USP15: variants seen among roughly 807,000 people sequenced by gnomAD.
USP15 encodes ubiquitin specific peptidase 15, also known as ubiquitin carboxyl-terminal hydrolase 15.
USP15 carries 18 observed loss-of-function variants against 127.1 expected under a neutral mutation model. That is an observed-to-expected ratio of 0.14 (90% CI 0.10 to 0.21). USP15 has a LOEUF of 0.21. Ranked by LOEUF, USP15 falls within the 10% of genes least tolerant of loss-of-function variation. The pLI is 1.00. For synonymous variants in USP15, 364 were observed against 393.7 expected (o/e 0.92, Z 0.89); for missense variants, 805 against 1,159.9 (o/e 0.69, Z 4.44).
In USP15 at chr12:62,391,281, T is replaced by C; in HGVS notation, c.2085T>C (p.Cys695=). 1 of 1,613,634 alleles carries C rather than the reference T, an allele frequency of 6.2e-7. No individual in the cohort carries two copies. The highest frequency in any genetic ancestry group is 8.5e-7 in the Non-Finnish European group (1 of 1,179,732). The change falls in exon 16 of 22, where the codon TGT becomes TGC. Residue 695 remains cysteine (C), a synonymous_variant. Transcript: ENST00000280377. ...ATAATGATTCTGAAAATGGATTATGTACTGAGGATACTTGCAAAGGTCAAC... is the reference window on the plus strand; with the variant it reads ...ATAATGATTCTGAAAATGGATTATGCACTGAGGATACTTGCAAAGGTCAAC... ...GGDNDSENGL[C]TEDTCKGQLT... is the part of the protein sequence containing the mutation.
At position 62,408,762 on chromosome 12, in the gene USP15, T is replaced by C. The variant is rs549470779; in HGVS notation, c.*4387T>C. On this transcript the variant is annotated 3_prime_UTR_variant, in exon 22 of 22. Coordinates refer to ENST00000280377, the MANE Select transcript of USP15 (RefSeq NM_001252078.2). Reference sequence around the variant, plus strand: ...TTCAGTTGCAGATCTATATTATATATCATTTTATTATCAGATTTTCTAGTG... The same window carrying C: ...TTCAGTTGCAGATCTATATTATATACCATTTTATTATCAGATTTTCTAGTG... The C allele has an allele frequency of 2.0e-5, 3 of 152,224 alleles. No homozygotes were observed. The highest frequency in any genetic ancestry group is 2.1e-4 in the South Asian group (1 of 4,830). The allele number at this position is 152,224 out of a possible 1,614,324, so 9.4% of individuals were successfully genotyped here.
At chr12:62,294,424 G>A in intron 2 of USP15, 118 bp downstream of exon 2, 5 of 1,124,666 alleles carry the variant, frequency 4.4e-6, no homozygotes, top group Non-Finnish European at 5.0e-6. Flanking sequence ...TTGCATTACA[G>A]ATTTTACCTA....
intron 1 of USP15, among the ~76,000 whole-genome samples, chr12:62,262,017 T>C (rs555546245): frequency 2.6e-5 from 4 of 152,186 alleles, no homozygotes. Flanking sequence ...GGAGGGAGGA[T>C]CACTTGAACT....
intron 7 of USP15, among the ~76,000 whole-genome samples, chr12:62,353,468 C>T (rs2066022782): frequency 6.6e-6 from 1 of 151,870 alleles, no homozygotes; most frequent in Non-Finnish European, 1.5e-5. Context: ...TTAGTCTTTT[C>T]ACGTGTGTGT....
At chr12:62,260,920 T>G (rs2063032557) in intron 1 of USP15, among the ~76,000 whole-genome samples, 1 of 152,212 alleles carries the variant, frequency 6.6e-6, no homozygotes, top group Non-Finnish European at 1.5e-5. Flanking sequence ...GTTCATTTCC[T>G]TTCCTAGAAT....
In USP15 at chr12:62,334,726, T is replaced by C. The variant is rs2065405583; in HGVS notation, c.683+8793T>C. Among the ~76,000 whole-genome samples, 7 of 152,302 alleles carry C rather than the reference T, an allele frequency of 4.6e-5. No individual in the cohort carries two copies. In the South Asian group the frequency reaches 1.4e-3, roughly 32 times the overall value. ...TATGAAGTTACGTTGTTTTACAATG[T>C]TGGGTTTGAAAATATAAAAATCTTT... On this transcript the variant is annotated intron_variant, in intron 6 of 21. Transcript: ENST00000280377.
At chr12:62,341,249 T>C (rs945338970) in intron 6 of USP15, among the ~76,000 whole-genome samples, 3 of 152,160 alleles carry the variant, frequency 2.0e-5, no homozygotes, top group Non-Finnish European at 4.4e-5. Flanking sequence ...CCTCCAACCC[T>C]TTATTTTGAG....
At chr12:62,341,184 C>G (rs992290099) in intron 6 of USP15, among the ~76,000 whole-genome samples, 1 of 149,312 alleles carries the variant, frequency 6.7e-6, no homozygotes, top group Non-Finnish European at 1.5e-5. Context: ...TTATCAGAGA[C>G]TAGTATTTCA....
chr12:62,345,753 G>A (rs979574758), intron 6 of USP15, among the ~76,000 whole-genome samples: 3 of 152,000 alleles, frequency 2.0e-5, no homozygotes, highest in Admixed American at 6.6e-5. Context: ...GGGGTGGGGG[G>A]GCCTCACAAT....
At chr12:62,359,530 CT>C (rs1435580727) in intron 8 of USP15, among the ~76,000 whole-genome samples, 2 of 152,066 alleles carry the variant, frequency 1.3e-5, no homozygotes, top group African/African-American at 2.4e-5. Context: ...ATTATCTCAT[CT>C]TTTTTTAAAA....
At chr12:62,335,264 G>T in intron 6 of USP15, 1 of 1,517,930 alleles carries the variant, frequency 6.6e-7, no homozygotes, top group Non-Finnish European at 8.8e-7. Flanking sequence ...AGACTGACCA[G>T]TCAACCCCTA....
In USP15 at chr12:62,325,904, A is replaced by G. The variant is rs1280057962; in HGVS notation, c.654A>G (p.Gly218=). Reference sequence around the variant, plus strand: ...TGATAGAACAGAAAAATGAAGATGGAACATGGCCAAGGGGTCCTTCTACTC... The same window carrying G: ...TGATAGAACAGAAAAATGAAGATGGGACATGGCCAAGGGGTCCTTCTACTC... The part of the protein sequence containing the change: ...VLVIEQKNED[G]TWPRGPSTPK... The change falls in exon 6 of 22, where the codon GGA becomes GGG. Residue 218 remains glycine, a synonymous_variant. Coordinates refer to ENST00000280377, the MANE Select transcript of USP15 (RefSeq NM_001252078.2). 3.1e-6 allele frequency: 5 copies of G among 1,610,580 alleles called. No individual in the cohort carries two copies. The highest frequency in any genetic ancestry group is 4.2e-6 in the Non-Finnish European group (5 of 1,177,984).
intron 1 of USP15, among the ~76,000 whole-genome samples, chr12:62,286,083 T>G (rs1440803686): frequency 4.6e-5 from 7 of 152,154 alleles, no homozygotes; most frequent in Admixed American, 4.6e-4. Flanking sequence ...TAGTTTGAAA[T>G]TTTTCTGTTT....
chr12:62,271,584 A>G lies in USP15; in HGVS notation c.89+11081A>G, dbSNP rs947624820. ...TGTTTATTATTTTTATATTGTTAAT[A>G]CCAAACCTAATTCTCCCGGTGTAGA... is the stretch of plus-strand genomic sequence containing the variant. On this transcript the variant is annotated intron_variant, in intron 1 of 21. Coordinates refer to ENST00000280377, the MANE Select transcript of USP15 (RefSeq NM_001252078.2). Among the ~76,000 whole-genome samples, 4 of 151,950 alleles carry G rather than the reference A, an allele frequency of 2.6e-5. No homozygotes were observed. The East Asian group carries it at 7.7e-4, about 29-fold the overall frequency.
At chr12:62,315,053 G>A in intron 4 of USP15, 137 bp downstream of exon 4, 1 of 774,938 alleles carries the variant, frequency 1.3e-6, no homozygotes, top group Non-Finnish European at 1.8e-6. Flanking sequence ...TTGATACAAT[G>A]TCTTAGAGTT....
chr12:62,358,443 G>A (rs781220725), intron 8 of USP15, among the ~76,000 whole-genome samples: 7 of 152,136 alleles, frequency 4.6e-5, no homozygotes, highest in Non-Finnish European at 7.4e-5. Flanking sequence ...GTCCAGGCAT[G>A]GTGACTCATG....
Position 62,404,360 on chromosome 12 carries a change from T to C in USP15, c.2931T>C (p.Cys977=). ...DNDNDIENEN[C]MHTN Reference sequence around the variant, plus strand: ...ACAATGATATAGAAAATGAAAACTGTATGCACACTAACTAATGAAAGTCCT... The same window carrying C: ...ACAATGATATAGAAAATGAAAACTGCATGCACACTAACTAATGAAAGTCCT... Residue 977 remains cysteine, a synonymous_variant, in exon 22 of 22, where the codon TGT becomes TGC. Coordinates refer to ENST00000280377, the MANE Select transcript of USP15 (RefSeq NM_001252078.2). 1 of 1,604,018 alleles carries C rather than the reference T, an allele frequency of 6.2e-7. No individual in the cohort carries two copies. The highest frequency in any genetic ancestry group is 8.5e-7 in the Non-Finnish European group (1 of 1,174,648).
At chr12:62,340,354 AT>A (rs2065610025) in intron 6 of USP15, among the ~76,000 whole-genome samples, 2 of 151,238 alleles carry the variant, frequency 1.3e-5, no homozygotes, top group East Asian at 3.9e-4. Flanking sequence ...GTTTATTTTT[AT>A]TTTTTGAAGG....
chr12:62,372,850 C>T (rs1258791158), intron 8 of USP15, among the ~76,000 whole-genome samples: 2 of 151,996 alleles, frequency 1.3e-5, no homozygotes, highest in African/African-American at 4.8e-5. Flanking sequence ...AGCTTCCATT[C>T]TTTAAAATAA....
Sources: allele counts gnomAD v4.1 joint callset (sites outside exome capture counted in the v4.1 genomes callset), GRCh38; gene constraint gnomAD v4.1.1; transcripts MANE v1.5; gene names NCBI Gene and HGNC (gene_info 2026-07-23, HGNC 2026-07-21).